Variants in CACNA1E observed in about 807,000 individuals in gnomAD.
CACNA1E encodes voltage-dependent R-type calcium channel subunit alpha-1E.
CACNA1E carries 40 observed loss-of-function variants against 259.2 expected under a neutral mutation model. That is an observed-to-expected ratio of 0.15 (90% confidence interval 0.12 to 0.20). The LOEUF (loss-of-function observed/expected upper bound fraction) is 0.20. CACNA1E is among the 10% of genes least tolerant of loss of function. The probability of loss-of-function intolerance (pLI) is 1.00; values close to 1 mark genes in which losing one functional copy is unlikely to be tolerated. For missense variants in CACNA1E, 1,874 were observed against 3,040.1 expected, an observed-to-expected ratio of 0.62 and a Z score of 9.02; for synonymous variants, 1,104 against 1,138.5, an observed-to-expected ratio of 0.97 and a Z score of 0.61.
chr1:181,493,535 T>C (rs956781299), intron 1 of CACNA1E, among the ~76,000 whole-genome samples: 1 of 152,238 alleles, frequency 6.6e-6, no homozygotes, highest in African/African-American at 2.4e-5. Flanking sequence ...CCATTTGTTC[T>C]TTCCCTTCCT....
chr1:181,691,154 C>A (rs1651112037), intron 7 of CACNA1E, among the ~76,000 whole-genome samples: 1 of 151,838 alleles, frequency 6.6e-6, no homozygotes, highest in Non-Finnish European at 1.5e-5. Context: ...GCCTCACTTT[C>A]AGTTTTCTCA....
intron 3 of CACNA1E, among the ~76,000 whole-genome samples, chr1:181,547,920 A>G (rs1000721040): frequency 1.3e-5 from 2 of 152,224 alleles, no homozygotes; most frequent in African/African-American, 4.8e-5. Context: ...AGTTCTAGGC[A>G]TAGAGGAGAA....
At chr1:181,631,681 G>A (rs967738472) in intron 6 of CACNA1E, among the ~76,000 whole-genome samples, 2 of 152,122 alleles carry the variant, frequency 1.3e-5, no homozygotes, top group Non-Finnish European at 2.9e-5. Flanking sequence ...GTAAACCCTG[G>A]AGCACCTGAG....
chr1:181,338,472 T>C (rs1171917426), intron 1 of CACNA1E, among the ~76,000 whole-genome samples: 5 of 150,084 alleles, frequency 3.3e-5, no homozygotes, highest in Admixed American at 3.3e-4. Context: ...TGTGTCTTCT[T>C]TGGAAAAATG....
At chr1:181,552,985 C>G (rs1000896896) in intron 3 of CACNA1E, among the ~76,000 whole-genome samples, 2 of 152,138 alleles carry the variant, frequency 1.3e-5, no homozygotes, top group Non-Finnish European at 2.9e-5. Flanking sequence ...TATACAGGGT[C>G]TTCTTTAATT....
intron 7 of CACNA1E, among the ~76,000 whole-genome samples, chr1:181,710,692 T>A (rs1040050570): frequency 3.3e-5 from 5 of 152,326 alleles, no homozygotes; most frequent in South Asian, 2.1e-4. Context: ...GCTAAGAACA[T>A]ACCTTTCAAA....
At position 181,784,526 on chromosome 1, in the gene CACNA1E, C is replaced by T. The variant is rs150981779; in HGVS notation, c.5471-135C>T. 2,764 of 595,744 alleles carry T rather than the reference C, an allele frequency of 4.6e-3. 14 individuals carry two copies. Among genetic ancestry groups the T allele is most frequent in the Non-Finnish European group, 6.1e-3 (2,074 of 339,944 alleles). 36.9% of individuals were successfully genotyped at this position (595,744 alleles called of 1,614,324 possible). A position where few individuals can be genotyped will look rare whatever the true frequency, so the allele number is the denominator to read the frequency against. On this transcript the variant is annotated intron_variant, in intron 40 of 47. Coordinates refer to ENST00000367573, the MANE Select transcript of CACNA1E (RefSeq NM_001205293.3). ...GCAGAAAGACCTGGTATTGCAAGATCCACTGTCACTCAGTGCCAAGATTTC... is the reference window on the plus strand; with the variant it reads ...GCAGAAAGACCTGGTATTGCAAGATTCACTGTCACTCAGTGCCAAGATTTC...
At chr1:181,498,396 A>G (rs1366626427) in intron 1 of CACNA1E, among the ~76,000 whole-genome samples, 1 of 152,184 alleles carries the variant, frequency 6.6e-6, no homozygotes, top group Non-Finnish European at 1.5e-5. Context: ...AGCGAATCCA[A>G]CTGGTCATGG....
chr1:181,608,441 C>T (rs759579483), intron 6 of CACNA1E, among the ~76,000 whole-genome samples: 11 of 152,270 alleles, frequency 7.2e-5, no homozygotes, highest in Middle Eastern at 3.4e-3. Context: ...GGGCTTTATC[C>T]TGCAGACAAG....
At chr1:181,784,276 G>A (rs1003642593) in intron 40 of CACNA1E, among the ~76,000 whole-genome samples, 3 of 152,136 alleles carry the variant, frequency 2.0e-5, no homozygotes, top group Admixed American at 2.0e-4. Flanking sequence ...TTAAAATCAG[G>A]TCACTCAGAC....
At chr1:181,412,106 C>T (rs596424) in intron 1 of CACNA1E, among the ~76,000 whole-genome samples, 11,826 of 152,326 alleles carry the variant, frequency 0.078, 937 homozygotes, top group African/African-American at 0.2. Flanking sequence ...TGATTGAATA[C>T]GTACGTCTTT....
intron 2 of CACNA1E, among the ~76,000 whole-genome samples, chr1:181,443,594 C>T (rs938052311): frequency 6.6e-6 from 1 of 152,252 alleles, no homozygotes. Flanking sequence ...GGACCACAGT[C>T]TTATCACCTC....
At chr1:181,393,244 A>G (rs1341197184) in intron 1 of CACNA1E, among the ~76,000 whole-genome samples, 1 of 152,226 alleles carries the variant, frequency 6.6e-6, no homozygotes, top group African/African-American at 2.4e-5. Context: ...GAAAGTTGAT[A>G]AACCTGTGCC....
chr1:181,758,799 C>T lies in CACNA1E; in HGVS notation c.4536C>T (p.Tyr1512=), dbSNP rs1259710280. 3 of 1,612,660 alleles carry T rather than the reference C, an allele frequency of 1.9e-6. No individual in the cohort carries two copies. The highest frequency in any genetic ancestry group is 1.3e-5 in the African/African-American group (1 of 75,010). Residue 1512 remains tyrosine (Y), a synonymous_variant, in exon 32 of 48, where the codon TAC becomes TAT. Transcript: ENST00000367573. The surrounding 1 kb of genome is among the most constrained non-coding windows in gnomAD (Gnocchi z 4.2). ...APCTYELALK[Y]LNIAFTMVFS... Reference sequence around the variant, plus strand: ...GTACCTATGAGCTGGCCCTGAAGTACCTGAATATCGCCTTCACCATGGTGT... The same window carrying T: ...GTACCTATGAGCTGGCCCTGAAGTATCTGAATATCGCCTTCACCATGGTGT...
intron 3 of CACNA1E, among the ~76,000 whole-genome samples, chr1:181,547,621 G>T (rs773123729): frequency 4.5e-4 from 69 of 152,328 alleles, no homozygotes; most frequent in Non-Finnish European, 7.6e-4. Context: ...ACACCATGCT[G>T]CCCAAAGATG....
At chr1:181,772,713 A>C (rs1202707933) in intron 37 of CACNA1E, among the ~76,000 whole-genome samples, 2 of 152,224 alleles carry the variant, frequency 1.3e-5, no homozygotes, top group South Asian at 2.1e-4. Context: ...TAAGAGTAGA[A>C]TGATGATAAT....
At chr1:181,718,334 T>G (rs1204152284) in intron 12 of CACNA1E, among the ~76,000 whole-genome samples, 167 bp downstream of exon 12, 1 of 152,212 alleles carries the variant, frequency 6.6e-6, no homozygotes, top group Admixed American at 6.5e-5. Context: ...ATCCTTCCCA[T>G]GCAGGGTTTG....
intron 1 of CACNA1E, among the ~76,000 whole-genome samples, chr1:181,318,583 C>T (rs1389014084): frequency 1.3e-5 from 2 of 152,216 alleles, no homozygotes; most frequent in East Asian, 3.9e-4. Context: ...CCTCTGGCCG[C>T]CCTTCCATGC....
chr1:181,736,468 C>G (rs2102576473), intron 22 of CACNA1E, 34 bp downstream of exon 22: 6 of 1,587,326 alleles, frequency 3.8e-6, no homozygotes, highest in Middle Eastern at 3.3e-4. Context: ...CTCTTTAGTG[C>G]TAGGGTAAAC....
Sources: gnomAD v4.1 joint callset for allele counts (sites outside exome capture counted in the v4.1 genomes callset) on GRCh38, gnomAD v4.1.1 for gene constraint, Gnocchi (gnomAD v3.1) non-coding constraint, MANE v1.5 for transcripts, NCBI Gene and HGNC (gene_info 2026-07-23, HGNC 2026-07-21) for gene names.